NAALADL2: variants seen among roughly 807,000 people sequenced by gnomAD.
NAALADL2 encodes inactive N-acetylated-alpha-linked acidic dipeptidase-like protein 2.
Under a neutral mutation model 87.2 loss-of-function variants are expected in NAALADL2, and 76 were observed. That is an observed-to-expected ratio of 0.87 (90% CI 0.72 to 1.05). The LOEUF (loss-of-function observed/expected upper bound fraction) is 1.05, where lower values mean the gene tolerates loss of function less well. Among genes scored for constraint, NAALADL2 ranks in the 50% least tolerant of loss-of-function variants. The probability of loss-of-function intolerance (pLI) is 0.00; values close to 1 mark genes in which losing one functional copy is unlikely to be tolerated. For missense variants in NAALADL2, 1,089 were observed against 945.8 expected, an observed-to-expected ratio of 1.15 and a Z score of -1.99; for synonymous variants, 354 against 331.0, an observed-to-expected ratio of 1.07 and a Z score of -0.75.
chr3:174,494,419 A>T (rs1282372003), intron 1 of NAALADL2, among the ~76,000 whole-genome samples: 3 of 150,220 alleles, frequency 2.0e-5, no homozygotes, highest in Admixed American at 1.3e-4. Flanking sequence ...GTGGGAATTG[A>T]ACAATGAGAA....
At chr3:175,729,841 G>A (rs1561047574) in intron 11 of NAALADL2, among the ~76,000 whole-genome samples, 1 of 148,134 alleles carries the variant, frequency 6.8e-6, no homozygotes, top group Non-Finnish European at 1.5e-5. Flanking sequence ...TAAAACAGGT[G>A]TTATGCTTAT....
chr3:175,181,713 G>GTGTATATGCATATATA (rs1553802445), intron 2 of NAALADL2, among the ~76,000 whole-genome samples: 4,086 of 28,998 alleles, frequency 0.14, 91 homozygotes, highest in Middle Eastern at 0.26. Context: ...ATGTGTGTGT[G>GTGTATATGCATATATA]TGTGTATATA....
At chr3:175,348,155 G>A (rs1164015983) in intron 5 of NAALADL2, among the ~76,000 whole-genome samples, 3 of 151,980 alleles carry the variant, frequency 2.0e-5, no homozygotes, top group African/African-American at 4.8e-5. Flanking sequence ...AGGTTCAAGC[G>A]ATTCTCCTGC....
chr3:175,800,461 A>C (rs946320832), intron 13 of NAALADL2, among the ~76,000 whole-genome samples: 15 of 152,176 alleles, frequency 9.9e-5, no homozygotes, highest in Non-Finnish European at 1.9e-4. Context: ...ATGATGATAA[A>C]GGATATTGGA....
chr3:174,828,365 G>A (rs67150910), intron 3 of NAALADL2, among the ~76,000 whole-genome samples: 18,810 of 152,130 alleles, frequency 0.12, 1,256 homozygotes, highest in Middle Eastern at 0.15. Flanking sequence ...TAGAGAACAG[G>A]CTTTCAAATT....
intron 5 of NAALADL2, among the ~76,000 whole-genome samples, chr3:175,430,366 A>T (rs1016074450): frequency 6.6e-6 from 1 of 151,970 alleles, no homozygotes; most frequent in Admixed American, 6.6e-5. Flanking sequence ...GAAACTTGAA[A>T]GCAATGAAGA....
intron 13 of NAALADL2, among the ~76,000 whole-genome samples, chr3:175,783,137 T>C (rs1368619766): frequency 7.9e-5 from 12 of 152,038 alleles, no homozygotes; most frequent in East Asian, 5.8e-4. Flanking sequence ...AGTCAGGTAG[T>C]GTGATGCCTC....
intron 9 of NAALADL2, among the ~76,000 whole-genome samples, chr3:175,512,601 C>T (rs1206054741): frequency 6.6e-6 from 1 of 152,078 alleles, no homozygotes; most frequent in Non-Finnish European, 1.5e-5. Context: ...TTATTTTTAT[C>T]ATATGAAAGA....
intron 1 of NAALADL2, among the ~76,000 whole-genome samples, chr3:174,993,550 T>G (rs1373407561): frequency 1.3e-5 from 2 of 152,088 alleles, no homozygotes; most frequent in Non-Finnish European, 2.9e-5. Flanking sequence ...GTCATGGAGA[T>G]GACAGGAAGC....
intron 2 of NAALADL2, among the ~76,000 whole-genome samples, chr3:174,635,782 C>T (rs990697083): frequency 9.9e-5 from 15 of 152,040 alleles, no homozygotes; most frequent in Non-Finnish European, 4.4e-5. Context: ...GGATTACAGG[C>T]GTGAGCCACC....
At chr3:175,653,058 T>C (rs1160743926) in intron 11 of NAALADL2, among the ~76,000 whole-genome samples, 1 of 151,932 alleles carries the variant, frequency 6.6e-6, no homozygotes, top group Non-Finnish European at 1.5e-5. Context: ...ATTTAGAAAA[T>C]CATATAAATA....
At chr3:175,079,361 T>C (rs1318958406) in intron 1 of NAALADL2, 1 of 152,208 alleles carries the variant, frequency 6.6e-6, no homozygotes, top group African/African-American at 2.4e-5. Flanking sequence ...AACTGTGTTC[T>C]CCCATTGGTG....
intron 3 of NAALADL2, among the ~76,000 whole-genome samples, chr3:174,846,494 C>A (rs1050051802): frequency 6.6e-6 from 1 of 151,988 alleles, no homozygotes; most frequent in Non-Finnish European, 1.5e-5. Flanking sequence ...ATTTTGTATG[C>A]CACATAATAA....
chr3:174,755,784 T>C (rs577346631), intron 3 of NAALADL2, among the ~76,000 whole-genome samples: 10 of 152,356 alleles, frequency 6.6e-5, no homozygotes, highest in African/African-American at 2.2e-4. Flanking sequence ...GCTTACCTGA[T>C]ACATAATAGT....
At chr3:175,383,468 A>T (rs1768015653) in intron 5 of NAALADL2, among the ~76,000 whole-genome samples, 1 of 152,056 alleles carries the variant, frequency 6.6e-6, no homozygotes, top group Non-Finnish European at 1.5e-5. Flanking sequence ...ATTTTGAAAT[A>T]TGCAATGCAT....
At position 175,132,001 on chromosome 3, in the gene NAALADL2, C is replaced by A. The variant is rs1269929811; in HGVS notation, c.545+34710C>A. ...GGCAGCTGGCCGGGAGGGGGACTGA[C>A]CCCCCCACCTCCCTCCCGGACGGGG... On this transcript the variant is annotated intron_variant, in intron 2 of 13. Coordinates refer to ENST00000454872, the MANE Select transcript of NAALADL2 (RefSeq NM_207015.3). Among the ~76,000 whole-genome samples the A allele has an allele frequency of 1.9e-4, 12 of 63,608 alleles. 2 individuals are homozygous for A. Among genetic ancestry groups the A allele is most frequent in the Admixed American group, 1.4e-3 (8 of 5,598 alleles). 41.7% of individuals were successfully genotyped at this position (63,608 alleles called of 152,430 possible).
chr3:175,608,536 C>T (rs980751636), intron 10 of NAALADL2, among the ~76,000 whole-genome samples: 4 of 152,092 alleles, frequency 2.6e-5, no homozygotes, highest in African/African-American at 9.6e-5. Context: ...TTTTTATCCT[C>T]TCTCCCAGTG....
intron 2 of NAALADL2, among the ~76,000 whole-genome samples, chr3:174,710,230 C>CTTTTTTTTTTTTTTTTT (rs57899491): frequency 1.5e-5 from 2 of 136,350 alleles, no homozygotes. Context: ...TATGAGCCTC[C>CTTTTTTTTTTTTTTTTT]TTTTTTTTTT....
At chr3:174,666,473 AG>A (rs1344135984) in intron 2 of NAALADL2, among the ~76,000 whole-genome samples, 5 of 152,170 alleles carry the variant, frequency 3.3e-5, no homozygotes, top group Admixed American at 3.3e-4. Context: ...ATTTTTATAT[AG>A]ATGACTTTCC....
Sources: gnomAD v4.1 joint callset for allele counts (sites outside exome capture counted in the v4.1 genomes callset) on GRCh38, gnomAD v4.1.1 for gene constraint, MANE v1.5 for transcripts, NCBI Gene and HGNC (gene_info 2026-07-23, HGNC 2026-07-21) for gene names.